Variants in ASTN2 observed in about 807,000 individuals in gnomAD.
ASTN2 encodes astrotactin 2, also known as astrotactin-2.
Under a neutral mutation model 139.8 loss-of-function variants are expected in ASTN2, and 54 were observed. The observed-to-expected ratio is 0.39, with a 90% CI of 0.31 to 0.48. The LOEUF (loss-of-function observed/expected upper bound fraction) is 0.48. Ranked by LOEUF, ASTN2 falls within the 20% of genes least tolerant of loss-of-function variation. ASTN2 has a pLI of 0.95. For synonymous variants in ASTN2, 756 were observed against 719.5 expected (o/e 1.05, Z -0.81); for missense variants, 1,565 against 1,725.1 (o/e 0.91, Z 1.64).
intron 7 of ASTN2, among the ~76,000 whole-genome samples, chr9:116,981,515 A>T (rs1836512611): frequency 6.6e-6 from 1 of 152,232 alleles, no homozygotes; most frequent in Non-Finnish European, 1.5e-5. Context: ...TCCCAGTTTC[A>T]TTATTCAGAA....
intron 10 of ASTN2, among the ~76,000 whole-genome samples, chr9:116,922,992 A>T (rs919686872): frequency 6.6e-6 from 1 of 152,188 alleles, no homozygotes; most frequent in Non-Finnish European, 1.5e-5. Flanking sequence ...TTCCACAGGC[A>T]GTATTAGGTT....
chr9:116,707,348 T>C (rs1588228444), intron 16 of ASTN2, among the ~76,000 whole-genome samples: 1 of 142,874 alleles, frequency 7.0e-6, no homozygotes, highest in Admixed American at 7.0e-5. Flanking sequence ...AAAGCATCCA[T>C]GCTATAGCCA....
At chr9:117,092,359 T>C (rs1020420434) in intron 5 of ASTN2, among the ~76,000 whole-genome samples, 1 of 152,126 alleles carries the variant, frequency 6.6e-6, no homozygotes, top group African/African-American at 2.4e-5. Flanking sequence ...GCACTCCTCT[T>C]AAATCTCTAC....
At chr9:116,684,356 G>T (rs960766793) in intron 16 of ASTN2, among the ~76,000 whole-genome samples, 2 of 152,144 alleles carry the variant, frequency 1.3e-5, no homozygotes, top group Admixed American at 1.3e-4. Context: ...AATGGGGTCT[G>T]GAGAGAGAGA....
chr9:116,595,741 G>C (rs1402847060), intron 19 of ASTN2, among the ~76,000 whole-genome samples: 1 of 152,102 alleles, frequency 6.6e-6, no homozygotes, highest in African/African-American at 2.4e-5. Context: ...TGATATTAGG[G>C]ATACAGCATG....
intron 3 of ASTN2, among the ~76,000 whole-genome samples, chr9:117,162,447 G>A (rs1049834909): frequency 3.3e-5 from 5 of 151,990 alleles, no homozygotes; most frequent in African/African-American, 7.2e-5. Flanking sequence ...GTAGGCATTC[G>A]CTTATATGCC....
chr9:116,670,043 G>A (rs985463059), intron 16 of ASTN2, among the ~76,000 whole-genome samples: 3 of 152,150 alleles, frequency 2.0e-5, no homozygotes, highest in East Asian at 1.9e-4. Flanking sequence ...GACCTCAGGT[G>A]ATCCACCCGC....
chr9:116,916,438 A>G (rs1040846204), intron 10 of ASTN2, among the ~76,000 whole-genome samples: 2 of 152,196 alleles, frequency 1.3e-5, no homozygotes, highest in Non-Finnish European at 2.9e-5. Context: ...GAAAGGTGTA[A>G]ACAGCTTGCC....
chr9:116,690,080 A>G (rs1860489476), intron 16 of ASTN2, among the ~76,000 whole-genome samples: 1 of 152,194 alleles, frequency 6.6e-6, no homozygotes. Context: ...TAGCTGGAAT[A>G]TCTGTGCACA....
chr9:116,468,689 C>A (rs1259293176), intron 20 of ASTN2, among the ~76,000 whole-genome samples: 1 of 152,216 alleles, frequency 6.6e-6, no homozygotes, highest in African/African-American at 2.4e-5. Flanking sequence ...AAGAGCAAAT[C>A]TGACAATGTC....
chr9:116,866,138 G>C (rs1833008421), intron 10 of ASTN2, among the ~76,000 whole-genome samples: 1 of 152,190 alleles, frequency 6.6e-6, no homozygotes, highest in East Asian at 1.9e-4. Flanking sequence ...GAGACTATAA[G>C]CTTTTAAAGG....
rs144987095 is a variant in ASTN2, at chr9:116,489,738, C to T, written c.3356-2238G>A. On this transcript the variant is annotated intron_variant, in intron 19 of 22. Transcript: ENST00000313400. The stretch of plus-strand genomic sequence containing the variant: ...TGGCCAGATGGCCCTGGGATTCAGC[C>T]GAACAACAGTTCTAGAAGGTATTTG... Among the ~76,000 whole-genome samples, 172 of 152,334 alleles carry T rather than the reference C, an allele frequency of 1.1e-3. 1 individual carries two copies. The highest frequency in any genetic ancestry group is 6.4e-3 in the South Asian group (31 of 4,832).
At chr9:117,201,012 T>TC (rs1416510267) in intron 3 of ASTN2, among the ~76,000 whole-genome samples, 6 of 150,210 alleles carry the variant, frequency 4.0e-5, no homozygotes, top group African/African-American at 7.3e-5. Flanking sequence ...TTTTTTTTTT[T>TC]TTTGGTTGGT....
intron 2 of ASTN2, among the ~76,000 whole-genome samples, chr9:117,287,658 A>C (rs903064705): frequency 1.3e-5 from 2 of 152,230 alleles, no homozygotes; most frequent in Admixed American, 6.5e-5. Flanking sequence ...CCTGGCATAC[A>C]GTAAATACTC....
chr9:116,629,112 CTTTTTTTTTTT>C (rs57200909), intron 17 of ASTN2, among the ~76,000 whole-genome samples: 24 of 100,492 alleles, frequency 2.4e-4, no homozygotes, highest in Admixed American at 1.4e-3. Flanking sequence ...TCCAGTAACT[CTTTTTTTTTTT>C]TTTTTTTTTT....
chr9:116,587,813 T>A (rs1854218824), intron 19 of ASTN2, among the ~76,000 whole-genome samples: 1 of 151,628 alleles, frequency 6.6e-6, no homozygotes, highest in Non-Finnish European at 1.5e-5. Context: ...TATAAAATAG[T>A]TTATAAAGTA....
At chr9:116,625,041 C>A (rs1348887557) in intron 17 of ASTN2, among the ~76,000 whole-genome samples, 1 of 152,110 alleles carries the variant, frequency 6.6e-6, no homozygotes, top group Non-Finnish European at 1.5e-5. Context: ...TGTTTGTGAT[C>A]CTCTTCTTCC....
At chr9:117,023,899 C>CT (rs1837971723) in intron 6 of ASTN2, among the ~76,000 whole-genome samples, 1 of 152,060 alleles carries the variant, frequency 6.6e-6, no homozygotes, top group South Asian at 2.1e-4. Flanking sequence ...ACTTGCTGTC[C>CT]TCACACTGTG....
In ASTN2 at chr9:117,372,918, C is replaced by G. The variant is rs77723779; in HGVS notation, c.442+41579G>C. Among the ~76,000 whole-genome samples the G allele has an allele frequency of 5.7e-3, 866 of 152,170 alleles. 5 individuals are homozygous for G. The highest frequency in any genetic ancestry group is 0.018 in the African/African-American group (743 of 41,518). On this transcript the variant is annotated intron_variant, in intron 1 of 22. Coordinates refer to ENST00000313400, the MANE Select transcript of ASTN2 (RefSeq NM_001365068.1). ...TGGATTTGGAACCGGAATATTTCTACTTGATTCTCGTGGTTCTAACACTTC... is the reference window on the plus strand; with the variant it reads ...TGGATTTGGAACCGGAATATTTCTAGTTGATTCTCGTGGTTCTAACACTTC...
Sources: gnomAD v4.1 joint callset for allele counts (sites outside exome capture counted in the v4.1 genomes callset) on GRCh38, gnomAD v4.1.1 for gene constraint, MANE v1.5 for transcripts, NCBI Gene and HGNC (gene_info 2026-07-23, HGNC 2026-07-21) for gene names.